STX6: variants seen among roughly 807,000 people sequenced by gnomAD.
STX6 encodes syntaxin 6.
Under a neutral mutation model 38.0 loss-of-function variants are expected in STX6, and 23 were observed. The observed-to-expected ratio is 0.60, with a 90% CI of 0.43 to 0.86. The LOEUF (loss-of-function observed/expected upper bound fraction) is 0.86. Ranked by LOEUF, STX6 falls within the 40% of genes least tolerant of loss-of-function variation. The probability of loss-of-function intolerance (pLI) is 0.00; values close to 1 mark genes in which losing one functional copy is unlikely to be tolerated. For missense variants in STX6, 274 were observed against 312.9 expected, an observed-to-expected ratio of 0.88 and a Z score of 0.94; for synonymous variants, 123 against 107.5, an observed-to-expected ratio of 1.14 and a Z score of -0.89.
chr1:181,005,507 T>C (rs988765139), intron 1 of STX6, 44 bp from the exon 2 acceptor site: 2 of 1,587,710 alleles, frequency 1.3e-6, no homozygotes, highest in East Asian at 2.2e-5. Flanking sequence ...CAGACAACAT[T>C]CCATGGTCAA....
intron 1 of STX6, among the ~76,000 whole-genome samples, chr1:181,011,249 G>C (rs991378901): frequency 6.6e-6 from 1 of 152,198 alleles, no homozygotes; most frequent in Non-Finnish European, 1.5e-5. Context: ...CACAAAGGTG[G>C]AAACTGCCAG....
intron 1 of STX6, among the ~76,000 whole-genome samples, chr1:181,014,731 C>CT (rs1401546525): frequency 6.6e-6 from 1 of 152,184 alleles, no homozygotes; most frequent in South Asian, 2.1e-4. Flanking sequence ...GAGAGGAACT[C>CT]TTTTTATTGC....
chr1:180,999,177 T>A (rs1571340730), intron 3 of STX6, among the ~76,000 whole-genome samples: 1 of 152,314 alleles, frequency 6.6e-6, no homozygotes, highest in East Asian at 1.9e-4. Flanking sequence ...ACTTTTAAAG[T>A]CAGAGAATGT....
intron 7 of STX6, among the ~76,000 whole-genome samples, chr1:180,984,416 C>T (rs1043981196): frequency 1.3e-4 from 19 of 151,854 alleles, no homozygotes; most frequent in African/African-American, 4.1e-4. Context: ...TGTGGTGGCA[C>T]GCACCTGTAA....
At chr1:180,979,488 A>C (rs1291117787) in intron 7 of STX6, among the ~76,000 whole-genome samples, 2 of 152,370 alleles carry the variant, frequency 1.3e-5, no homozygotes, top group East Asian at 3.9e-4. Flanking sequence ...CTGGACATCC[A>C]TGCCAAAAAA....
chr1:181,022,124 G>A lies in STX6; in HGVS notation c.35+515C>T, dbSNP rs560848558. ...CGCCCCCGCCTCCCTCCCAGCAAAC[G>A]TGCTCAGACGCCTCTGGGCTTGTTG... On this transcript the variant is annotated intron_variant, in intron 1 of 7. Transcript: ENST00000258301. 3.7e-3 allele frequency among the ~76,000 whole-genome samples: 465 copies of A among 124,900 alleles called. 5 individuals carry two copies. The highest frequency in any genetic ancestry group is 0.012 in the African/African-American group (389 of 32,944). 81.9% of individuals were successfully genotyped at this position (124,900 alleles called of 152,430 possible).
intron 4 of STX6, among the ~76,000 whole-genome samples, chr1:180,991,771 C>T (rs1415512741): frequency 6.6e-6 from 1 of 152,140 alleles, no homozygotes; most frequent in Non-Finnish European, 1.5e-5. Flanking sequence ...CACAACGTGG[C>T]AAGGCCCATG....
At chr1:181,017,182 C>T (rs976209887) in intron 1 of STX6, among the ~76,000 whole-genome samples, 13 of 151,368 alleles carry the variant, frequency 8.6e-5, no homozygotes, top group Non-Finnish European at 1.2e-4. Flanking sequence ...GTCAGGAGAT[C>T]GAGACCATCC....
intron 4 of STX6, 60 bp from the exon 5 acceptor site, chr1:180,990,169 A>G (rs1655714350): frequency 6.3e-7 from 1 of 1,598,790 alleles, no homozygotes; most frequent in African/African-American, 1.3e-5. Flanking sequence ...TCTCTGAACA[A>G]GTGATGCATC....
At chr1:181,014,393 CAAAA>C (rs11334153) in intron 1 of STX6, among the ~76,000 whole-genome samples, 6 of 138,758 alleles carry the variant, frequency 4.3e-5, no homozygotes, top group Non-Finnish European at 7.8e-5. Context: ...GACTCCATCT[CAAAA>C]AAAAAAAAGA....
intron 3 of STX6, among the ~76,000 whole-genome samples, chr1:180,998,827 T>A (rs1292059772): frequency 1.3e-5 from 2 of 152,248 alleles, no homozygotes; most frequent in East Asian, 3.8e-4. Context: ...GCCAAAAACA[T>A]AATTACTCAT....
At chr1:181,018,612 G>A (rs72709648) in intron 1 of STX6, among the ~76,000 whole-genome samples, 4,554 of 151,998 alleles carry the variant, frequency 0.03, 89 homozygotes, top group Non-Finnish European at 0.046. Context: ...TACTTCATAA[G>A]GATAAAAGAG....
intron 1 of STX6, among the ~76,000 whole-genome samples, chr1:181,015,724 G>A (rs1027535612): frequency 6.6e-6 from 1 of 150,962 alleles, no homozygotes; most frequent in African/African-American, 2.4e-5. Flanking sequence ...CTGGAGTGCA[G>A]TGGCGTGATC....
chr1:180,989,887 C>T, intron 5 of STX6, 97 bp downstream of exon 5: 2 of 1,459,226 alleles, frequency 1.4e-6, no homozygotes, highest in South Asian at 2.4e-5. Flanking sequence ...GCTTACCCTC[C>T]TTGTCACTAA....
Position 180,976,259 on chromosome 1 carries a change from G to A in STX6, c.*311C>T. On this transcript the variant is annotated 3_prime_UTR_variant, in exon 8 of 8. Transcript: ENST00000258301. ...AGCAAAACACCAGTGGAGTCTGTAAGTCCCTCCTCAGCAAACGAGGTCCCG... is the reference window on the plus strand; with the variant it reads ...AGCAAAACACCAGTGGAGTCTGTAAATCCCTCCTCAGCAAACGAGGTCCCG... 2.8e-6 allele frequency: 1 copy of A among 357,402 alleles called. No homozygotes were observed. The highest frequency in any genetic ancestry group is 5.4e-6 in the Non-Finnish European group (1 of 185,924). The allele number at this position is 357,402 out of a possible 1,614,324, so 22.1% of individuals were successfully genotyped here.
At position 181,008,268 on chromosome 1, in the gene STX6, T is replaced by C. The variant is rs182340562; in HGVS notation, c.36-2805A>G. On this transcript the variant is annotated intron_variant, in intron 1 of 7. Coordinates refer to ENST00000258301, the MANE Select transcript of STX6 (RefSeq NM_005819.6). ...TCATTAGGGCGCTTTGTTTCCCTTATACTACGATCCATTGGTCAATCTTGT... is the reference window on the plus strand; with the variant it reads ...TCATTAGGGCGCTTTGTTTCCCTTACACTACGATCCATTGGTCAATCTTGT... Among the ~76,000 whole-genome samples, 460 of 152,350 alleles carry C rather than the reference T, an allele frequency of 3.0e-3. 6 individuals carry two copies. Among genetic ancestry groups the C allele is most frequent in the Middle Eastern group, 0.014 (4 of 294 alleles).
At chr1:180,989,319 C>T (rs1254009269) in intron 5 of STX6, 1 of 151,918 alleles carries the variant, frequency 6.6e-6, no homozygotes, top group East Asian at 1.9e-4. Context: ...AGGTGAAACC[C>T]CGTCTCTACT....
At chr1:181,015,938 C>T (rs1425179389) in intron 1 of STX6, among the ~76,000 whole-genome samples, 1 of 152,214 alleles carries the variant, frequency 6.6e-6, no homozygotes, top group Non-Finnish European at 1.5e-5. Context: ...GGATTACAGG[C>T]ATGAGCCATC....
At chr1:181,022,569 A>G (rs2102339503) in intron 1 of STX6, 70 bp downstream of exon 1, 1 of 1,513,872 alleles carries the variant, frequency 6.6e-7, no homozygotes, top group Non-Finnish European at 9.0e-7. Flanking sequence ...CCACTGCGAG[A>G]AGACCTAGGA....
Sources: allele counts gnomAD v4.1 joint callset (sites outside exome capture counted in the v4.1 genomes callset), GRCh38; gene constraint gnomAD v4.1.1; transcripts MANE v1.5; gene names NCBI Gene and HGNC (gene_info 2026-07-23, HGNC 2026-07-21).